Variants in ATP8A2 observed in about 807,000 individuals in gnomAD.
The protein encoded by ATP8A2 is phospholipid-transporting ATPase IB.
A neutral mutation model predicts 165.6 loss-of-function variants in ATP8A2; 100 were observed. The observed-to-expected ratio is 0.60, with a 90% CI of 0.51 to 0.71. The LOEUF is 0.71. ATP8A2 is among the 30% of genes least tolerant of loss of function. The pLI is 0.00. For missense variants in ATP8A2, 1,227 were observed against 1,479.5 expected, an observed-to-expected ratio of 0.83 and a Z score of 2.80; for synonymous variants, 543 against 548.8, an observed-to-expected ratio of 0.99 and a Z score of 0.15.
chr13:25,543,868 T>C (rs1044164423), intron 10 of ATP8A2, among the ~76,000 whole-genome samples: 3 of 152,248 alleles, frequency 2.0e-5, no homozygotes, highest in African/African-American at 7.2e-5. Flanking sequence ...TTTTCCCTGT[T>C]AATGTTTTTT....
At chr13:25,848,578 G>A (rs2138698304) in intron 30 of ATP8A2, among the ~76,000 whole-genome samples, 1 of 152,312 alleles carries the variant, frequency 6.6e-6, no homozygotes, top group African/African-American at 2.4e-5. Context: ...TGAAAAAAGA[G>A]AAAGATTGAA....
chr13:25,398,169 C>T (rs2033494288), intron 1 of ATP8A2, among the ~76,000 whole-genome samples: 1 of 152,166 alleles, frequency 6.6e-6, no homozygotes, highest in Non-Finnish European at 1.5e-5. Flanking sequence ...TTTGCAGGGC[C>T]ATTCCAAAAT....
intron 24 of ATP8A2, among the ~76,000 whole-genome samples, chr13:25,590,770 C>A (rs763465970): frequency 1.6e-4 from 24 of 152,132 alleles, no homozygotes; most frequent in African/African-American, 2.4e-5. Context: ...AAGTACAGAG[C>A]TTTCTATACT....
chr13:25,474,560 T>C (rs112963649), intron 2 of ATP8A2, among the ~76,000 whole-genome samples: 18,941 of 145,382 alleles, frequency 0.13, 1,379 homozygotes, highest in Non-Finnish European at 0.18. Context: ...AGACTCTGTC[T>C]CAAAAAAAAG....
intron 1 of ATP8A2, among the ~76,000 whole-genome samples, chr13:25,416,588 T>G (rs1220540720): frequency 1.3e-5 from 2 of 152,194 alleles, no homozygotes; most frequent in African/African-American, 2.4e-5. Flanking sequence ...TGGACAGCAT[T>G]AATGTCTGCA....
At chr13:25,377,794 ACAAAACAAAACAAAG>A (rs1013539590) in intron 1 of ATP8A2, among the ~76,000 whole-genome samples, 9 of 152,054 alleles carry the variant, frequency 5.9e-5, no homozygotes, top group Non-Finnish European at 1.3e-4. Context: ...TCTCTCTCTA[ACAAAACAAAACAAAG>A]CAAAACAAAA....
intron 24 of ATP8A2, among the ~76,000 whole-genome samples, chr13:25,654,900 C>T (rs1664971208): frequency 6.6e-6 from 1 of 152,148 alleles, no homozygotes; most frequent in African/African-American, 2.4e-5. Flanking sequence ...TATCTGTTGG[C>T]ATTCAACTGT....
chr13:25,645,654 ATAATT>A (rs2041653487), intron 24 of ATP8A2, among the ~76,000 whole-genome samples: 1 of 152,050 alleles, frequency 6.6e-6, no homozygotes, highest in African/African-American at 2.4e-5. Flanking sequence ...AAATTTTCCT[ATAATT>A]TATTTATTGA....
At chr13:25,484,736 C>T (rs1254283386) in intron 2 of ATP8A2, among the ~76,000 whole-genome samples, 2 of 152,052 alleles carry the variant, frequency 1.3e-5, no homozygotes, top group African/African-American at 2.4e-5. Flanking sequence ...AGGCTAGCCT[C>T]GAACTCCTGA....
chr13:26,010,985 A>G (rs1268251937), intron 35 of ATP8A2, among the ~76,000 whole-genome samples: 1 of 152,112 alleles, frequency 6.6e-6, no homozygotes, highest in Non-Finnish European at 1.5e-5. Context: ...TCCTCTTTCG[A>G]TGGCCCTGAG....
intron 30 of ATP8A2, among the ~76,000 whole-genome samples, chr13:25,845,954 T>C (rs1951852298): frequency 6.6e-6 from 1 of 152,184 alleles, no homozygotes; most frequent in South Asian, 2.1e-4. Context: ...GGCAGGCAGA[T>C]CACCTGAGGT....
rs145354770 is a variant in ATP8A2, at chr13:25,592,958, C to T, written c.2211+3259C>T. Among the ~76,000 whole-genome samples the T allele has an allele frequency of 1.1e-3, 175 of 152,250 alleles. 2 individuals are homozygous for T. Among genetic ancestry groups the T allele is most frequent in the African/African-American group, 3.8e-3 (156 of 41,528 alleles). Reference sequence around the variant, plus strand: ...ATTCAGTATCTACTGAGCAGAGGTGCACTTTCTATGTACTGTTTTTGTTCA... The same window carrying T: ...ATTCAGTATCTACTGAGCAGAGGTGTACTTTCTATGTACTGTTTTTGTTCA... On this transcript the variant is annotated intron_variant, in intron 24 of 36. Coordinates refer to ENST00000381655, the MANE Select transcript of ATP8A2 (RefSeq NM_016529.6).
At chr13:25,796,267 T>G (rs1029505186) in intron 27 of ATP8A2, among the ~76,000 whole-genome samples, 5 of 152,194 alleles carry the variant, frequency 3.3e-5, no homozygotes, top group African/African-American at 1.2e-4. Flanking sequence ...GTTTTAAAAC[T>G]ATGATTACTT....
At chr13:25,445,550 A>G (rs900081598) in intron 1 of ATP8A2, among the ~76,000 whole-genome samples, 3 of 152,184 alleles carry the variant, frequency 2.0e-5, no homozygotes, top group Non-Finnish European at 4.4e-5. Flanking sequence ...CTTTACTCAA[A>G]TATTGATTTT....
At chr13:25,799,698 C>T (rs557316586) in intron 27 of ATP8A2, among the ~76,000 whole-genome samples, 2 of 152,294 alleles carry the variant, frequency 1.3e-5, no homozygotes, top group South Asian at 2.1e-4. Context: ...TTCCCCTGAA[C>T]ATTTGTCTGC....
chr13:25,416,844 G>A (rs1566116665), intron 1 of ATP8A2, among the ~76,000 whole-genome samples: 1 of 152,094 alleles, frequency 6.6e-6, no homozygotes, highest in Non-Finnish European at 1.5e-5. Flanking sequence ...TTCATGGGAG[G>A]TACATAAAGC....
chr13:25,710,450 C>G (rs1323653680), intron 25 of ATP8A2, among the ~76,000 whole-genome samples: 1 of 152,168 alleles, frequency 6.6e-6, no homozygotes, highest in Non-Finnish European at 1.5e-5. Context: ...CCTCTGGTAC[C>G]CAGCATTCTA....
At chr13:25,584,517 G>A (rs1432651929) in intron 23 of ATP8A2, among the ~76,000 whole-genome samples, 1 of 152,182 alleles carries the variant, frequency 6.6e-6, no homozygotes, top group East Asian at 1.9e-4. Flanking sequence ...AGCAGAGCAA[G>A]TAAATGGAGT....
chr13:25,453,031 G>A (rs140575710), intron 1 of ATP8A2, among the ~76,000 whole-genome samples: 2,514 of 152,122 alleles, frequency 0.017, 35 homozygotes, highest in Non-Finnish European at 0.028. Flanking sequence ...GGAGGCAGAG[G>A]TTGCAGTAGC....
Sources: gnomAD v4.1 joint callset for allele counts (sites outside exome capture counted in the v4.1 genomes callset) on GRCh38, gnomAD v4.1.1 for gene constraint, MANE v1.5 for transcripts, NCBI Gene and HGNC (gene_info 2026-07-23, HGNC 2026-07-21) for gene names.